Variants in KCNK10 observed in about 807,000 individuals in gnomAD.
The protein encoded by KCNK10 is potassium channel subfamily K member 10.
A neutral mutation model predicts 47.7 loss-of-function variants in KCNK10; 25 were observed. The ratio of observed to expected loss-of-function variants is 0.52; its 90% CI spans 0.38 to 0.73. The LOEUF (loss-of-function observed/expected upper bound fraction) is 0.73, where lower values mean the gene tolerates loss of function less well. Ranked by LOEUF, KCNK10 falls within the 30% of genes least tolerant of loss-of-function variation. KCNK10 has a pLI of 0.00. For synonymous variants in KCNK10, 303 were observed against 285.6 expected (o/e 1.06, Z -0.61); for missense variants, 563 against 714.5 (o/e 0.79, Z 2.42).
At chr14:88,240,288 G>A (rs1566698340) in intron 3 of KCNK10, among the ~76,000 whole-genome samples, 2 of 152,258 alleles carry the variant, frequency 1.3e-5, no homozygotes, top group South Asian at 4.1e-4. Context: ...ACAGATGAAA[G>A]CAACAGTCTC....
At position 88,186,234 on chromosome 14, in the gene KCNK10, G is replaced by A; in HGVS notation, c.1012-79C>T. Reference sequence around the variant, plus strand: ...GCCTCCCAGCACCCACAGCCCTCGGGTGTCCCCACGGGGAGGCCAGGAGGT... The same window carrying A: ...GCCTCCCAGCACCCACAGCCCTCGGATGTCCCCACGGGGAGGCCAGGAGGT... On this transcript the variant is annotated intron_variant, in intron 6 of 6. Transcript: ENST00000319231. This position sits in a 1 kb window ranked among gnomAD's most constrained non-coding sequence, Gnocchi z 5.5. 3 of 1,469,580 alleles carry A rather than the reference G, an allele frequency of 2.0e-6. No individual in the cohort carries two copies. Among genetic ancestry groups the A allele is most frequent in the Non-Finnish European group, 1.8e-6 (2 of 1,106,428 alleles). 91.0% of individuals were successfully genotyped at this position (1,469,580 alleles called of 1,614,324 possible).
intron 4 of KCNK10, among the ~76,000 whole-genome samples, chr14:88,223,102 C>A (rs1281036046): frequency 6.6e-6 from 1 of 152,120 alleles, no homozygotes; most frequent in Non-Finnish European, 1.5e-5. Context: ...TGCCTGATTA[C>A]AAGAGCTATC....
intron 3 of KCNK10, among the ~76,000 whole-genome samples, chr14:88,230,797 G>A (rs1886138111): frequency 6.6e-6 from 1 of 152,072 alleles, no homozygotes; most frequent in East Asian, 1.9e-4. Context: ...TGAAATACCG[G>A]GCAAGTTATT....
At chr14:88,267,661 C>A (rs529130968) in intron 1 of KCNK10, among the ~76,000 whole-genome samples, 1 of 152,142 alleles carries the variant, frequency 6.6e-6, no homozygotes, top group African/African-American at 2.4e-5. Flanking sequence ...CGTAAGCCAC[C>A]GCATCCAGCC....
At chr14:88,200,726 T>C (rs1318413388) in intron 4 of KCNK10, among the ~76,000 whole-genome samples, 2 of 152,186 alleles carry the variant, frequency 1.3e-5, no homozygotes, top group Non-Finnish European at 2.9e-5. Flanking sequence ...TCAATGAGTA[T>C]TTATCATGTA....
intron 4 of KCNK10, among the ~76,000 whole-genome samples, chr14:88,224,650 C>T (rs1390484911): frequency 1.3e-5 from 2 of 152,218 alleles, no homozygotes; most frequent in Admixed American, 6.5e-5. Flanking sequence ...CACCCTGTCA[C>T]CCAGGTTGGA....
chr14:88,269,622 C>T (rs555931405), intron 1 of KCNK10, among the ~76,000 whole-genome samples: 4 of 152,154 alleles, frequency 2.6e-5, no homozygotes, highest in East Asian at 1.9e-4. Context: ...TATTTTGTAG[C>T]GATGGGGTCT....
chr14:88,313,620 G>C (rs11625847), intron 1 of KCNK10, among the ~76,000 whole-genome samples: 1 of 151,886 alleles, frequency 6.6e-6, no homozygotes, highest in Non-Finnish European at 1.5e-5. Flanking sequence ...GAGCACACCA[G>C]CTTGGAAACA....
At chr14:88,190,144 C>G (rs1053213671) in intron 5 of KCNK10, among the ~76,000 whole-genome samples, 7 of 152,150 alleles carry the variant, frequency 4.6e-5, no homozygotes, top group African/African-American at 1.7e-4. Flanking sequence ...AAAAGCATCA[C>G]TTAAAAAATC....
At chr14:88,326,477 G>A (rs770370882), upstream of KCNK10, 7 of 1,609,470 alleles carry the variant, frequency 4.3e-6, no homozygotes, top group African/African-American at 8.0e-5. Context: ...GCCGCTCCAA[G>A]CGGTTCTGTC....
At position 88,186,262 on chromosome 14, in the gene KCNK10, C is replaced by T. The variant is rs544536659; in HGVS notation, c.1012-107G>A. The T allele has an allele frequency of 7.5e-5, 99 of 1,325,230 alleles. No homozygotes were observed. The highest frequency in any genetic ancestry group is 2.2e-4 in the South Asian group (14 of 64,426). The allele number at this position is 1,325,230 out of a possible 1,614,324, so 82.1% of individuals were successfully genotyped here. A position where few individuals can be genotyped will look rare whatever the true frequency, so the allele number is the denominator to read the frequency against. On this transcript the variant is annotated intron_variant, in intron 6 of 6. Transcript: ENST00000319231. The surrounding 1 kb of genome is among the most constrained non-coding windows in gnomAD (Gnocchi z 5.5). ...TCCCCACGGGGAGGCCAGGAGGTGA[C>T]GGAGCACATGCCCAGGGGGAGGTGC...
At chr14:88,315,273 T>C (rs889711286) in intron 1 of KCNK10, among the ~76,000 whole-genome samples, 2 of 152,194 alleles carry the variant, frequency 1.3e-5, no homozygotes, top group Admixed American at 6.5e-5. Flanking sequence ...TCTTAGCCAG[T>C]AGAATCCAGG....
intron 1 of KCNK10, among the ~76,000 whole-genome samples, chr14:88,301,205 C>T (rs949679258): frequency 6.6e-6 from 1 of 152,108 alleles, no homozygotes; most frequent in African/African-American, 2.4e-5. Flanking sequence ...ATAATGTACG[C>T]AAAATGCCTG....
In KCNK10 at chr14:88,322,178, C is replaced by G. The variant is rs1206439295; in HGVS notation, c.52+569G>C. Among the ~76,000 whole-genome samples the G allele has an allele frequency of 1.1e-4, 16 of 152,108 alleles. No homozygotes were observed. Among genetic ancestry groups the G allele is most frequent in the Admixed American group, 1.0e-3 (16 of 15,276 alleles). On this transcript the variant is annotated intron_variant, in intron 1 of 6. Transcript: ENST00000319231. This position sits in a 1 kb window ranked among gnomAD's most constrained non-coding sequence, Gnocchi z 4.8. ...ACTCTGACCTGAGCCTAACTAGCTGCTAGGTTTGGTAATAAGATTGAACGA... is the reference window on the plus strand; with the variant it reads ...ACTCTGACCTGAGCCTAACTAGCTGGTAGGTTTGGTAATAAGATTGAACGA...
intron 4 of KCNK10, among the ~76,000 whole-genome samples, chr14:88,222,994 G>A (rs1405108088): frequency 2.0e-5 from 3 of 152,164 alleles, no homozygotes; most frequent in East Asian, 3.9e-4. Flanking sequence ...AGTGTTGGGA[G>A]TATGAAAATT....
intron 2 of KCNK10, among the ~76,000 whole-genome samples, chr14:88,257,908 G>A (rs549898711): frequency 6.6e-6 from 1 of 152,064 alleles, no homozygotes; most frequent in Non-Finnish European, 1.5e-5. Context: ...TTGTGGGAGG[G>A]GGGGTCTATG....
In KCNK10 at chr14:88,318,065, G is replaced by C. The variant is rs570332762; in HGVS notation, c.52+4682C>G. ...AGCCTTCTTACTTCGGGTCAAAGAC[G>C]AGAAAAGAAGGAAAACAGCGCACTG... is the stretch of plus-strand genomic sequence containing the variant. On this transcript the variant is annotated intron_variant, in intron 1 of 6. Coordinates refer to ENST00000319231, the MANE Select transcript of KCNK10 (RefSeq NM_138317.3). Among the ~76,000 whole-genome samples, 4 of 152,200 alleles carry C rather than the reference G, an allele frequency of 2.6e-5. No individual in the cohort carries two copies. In the South Asian group the frequency reaches 8.3e-4, roughly 32 times the overall value.
At chr14:88,265,912 G>A (rs1480957193) in intron 1 of KCNK10, among the ~76,000 whole-genome samples, 1 of 152,144 alleles carries the variant, frequency 6.6e-6, no homozygotes, top group Non-Finnish European at 1.5e-5. Context: ...TAGCCATATG[G>A]AACTGTGAGT....
At chr14:88,290,851 C>T (rs1595124632) in intron 1 of KCNK10, among the ~76,000 whole-genome samples, 1 of 152,152 alleles carries the variant, frequency 6.6e-6, no homozygotes, top group African/African-American at 2.4e-5. Context: ...CAGAGGAAGA[C>T]CTTTTCATTC....
Sources: gnomAD v4.1 joint callset for allele counts (sites outside exome capture counted in the v4.1 genomes callset) on GRCh38, gnomAD v4.1.1 for gene constraint, Gnocchi (gnomAD v3.1) non-coding constraint, MANE v1.5 for transcripts, NCBI Gene and HGNC (gene_info 2026-07-23, HGNC 2026-07-21) for gene names.